RSF1: variants seen among roughly 807,000 people sequenced by gnomAD.
RSF1 encodes the protein HBV pX-associated protein 8.
RSF1 carries 13 observed loss-of-function variants against 145.2 expected under a neutral mutation model. The observed-to-expected ratio is 0.09, with a 90% CI of 0.06 to 0.14. The LOEUF is 0.14. Among genes scored for constraint, RSF1 ranks in the 10% least tolerant of loss-of-function variants. RSF1 has a pLI of 1.00. For synonymous variants in RSF1, 577 were observed against 592.6 expected (o/e 0.97, Z 0.38); for missense variants, 1,517 against 1,718.2 (o/e 0.88, Z 2.07).
rs1234580152 is a variant in RSF1 at position 77,764,685 on chromosome 11, T to G, written c.192A>C (p.Pro64=). 6.3e-7 allele frequency: 1 copy of G among 1,591,194 alleles called. No individual in the cohort carries two copies. Among genetic ancestry groups the G allele is most frequent in the African/African-American group, 1.3e-5 (1 of 74,214 alleles). ...PPPDVGNGEV[P]KELVELHLKL... ...TCAAATGGAGCTCCACCAATTCTTTTGGTACTTAAAAGAAAGAAAAAAAAT... is the reference window on the plus strand; with the variant it reads ...TCAAATGGAGCTCCACCAATTCTTTGGGTACTTAAAAGAAAGAAAAAAAAT... Residue 64 remains proline, a synonymous_variant, in exon 2 of 16, where the codon CCA becomes CCC. Coordinates refer to ENST00000308488, the MANE Select transcript of RSF1 (RefSeq NM_016578.4).
the RSF1 span, among the ~76,000 whole-genome samples, chr11:77,864,672 T>C: frequency 1.3e-5 from 2 of 152,162 alleles, no homozygotes; most frequent in African/African-American, 2.4e-5. Context: ...CCAGGGCATA[T>C]GTTCCTTGAA....
chr11:77,787,769 TA>T (rs1308880255), intron 1 of RSF1, among the ~76,000 whole-genome samples: 1 of 149,666 alleles, frequency 6.7e-6, no homozygotes, highest in Admixed American at 6.7e-5. Flanking sequence ...TCTAGCATAG[TA>T]AAATTCAGAG....
chr11:77,777,076 C>A (rs1948349894), intron 1 of RSF1, among the ~76,000 whole-genome samples: 1 of 152,068 alleles, frequency 6.6e-6, no homozygotes, highest in African/African-American at 2.4e-5. Flanking sequence ...CTCACTTAAA[C>A]AATTATAAAT....
At chr11:77,732,789 C>A (rs1051744369) in intron 4 of RSF1, among the ~76,000 whole-genome samples, 1 of 152,186 alleles carries the variant, frequency 6.6e-6, no homozygotes, top group African/African-American at 2.4e-5. Context: ...TCCAATTAAA[C>A]CTCTTTCTTT....
chr11:77,800,968 G>A (rs910234828), intron 1 of RSF1, among the ~76,000 whole-genome samples: 2 of 151,760 alleles, frequency 1.3e-5, no homozygotes, highest in African/African-American at 4.8e-5. Flanking sequence ...TCGCACTATC[G>A]CACTCCAACC....
chr11:77,692,275 C>T (rs553785784), intron 8 of RSF1, among the ~76,000 whole-genome samples: 53 of 40,886 alleles, frequency 1.3e-3, no homozygotes, highest in African/African-American at 3.7e-3. Context: ...GACGGAGTCT[C>T]GCTCTGTTGC....
intron 5 of RSF1, among the ~76,000 whole-genome samples, chr11:77,706,355 C>T (rs1394307807): frequency 6.6e-6 from 1 of 152,000 alleles, no homozygotes; most frequent in Non-Finnish European, 1.5e-5. Flanking sequence ...TTGAAACTTT[C>T]TAAGTCTCTT....
chr11:77,782,519 C>A (rs1425601879), intron 1 of RSF1, among the ~76,000 whole-genome samples: 1 of 151,626 alleles, frequency 6.6e-6, no homozygotes, highest in African/African-American at 2.4e-5. Flanking sequence ...CCAGCCTGGG[C>A]CACAGGGCGA....
chr11:77,802,426 G>A (rs557219373), intron 1 of RSF1, among the ~76,000 whole-genome samples: 1 of 152,228 alleles, frequency 6.6e-6, no homozygotes, highest in Admixed American at 6.5e-5. Flanking sequence ...ACACCCACTT[G>A]GTGTGTGCAG....
At chr11:77,863,933 C>CT in the RSF1 span, among the ~76,000 whole-genome samples, 2,271 of 148,104 alleles carry the variant, frequency 0.015, 57 homozygotes, top group African/African-American at 0.051. Context: ...AAGATGATCC[C>CT]TTTTTTTTTT....
chr11:77,710,757 T>G (rs1960659252), intron 5 of RSF1, among the ~76,000 whole-genome samples: 1 of 152,232 alleles, frequency 6.6e-6, no homozygotes, highest in Non-Finnish European at 1.5e-5. Flanking sequence ...CTATCATTCA[T>G]TCATCTGTGA....
chr11:77,682,258 T>C (rs1959882591), intron 11 of RSF1, among the ~76,000 whole-genome samples: 1 of 152,216 alleles, frequency 6.6e-6, no homozygotes, highest in Non-Finnish European at 1.5e-5. Context: ...AGAAGCAAAT[T>C]CCTCCATGAT....
At chr11:77,714,018 A>C (rs1009417141) in intron 5 of RSF1, among the ~76,000 whole-genome samples, 5 of 152,200 alleles carry the variant, frequency 3.3e-5, no homozygotes, top group Admixed American at 1.3e-4. Context: ...TAGTTTTGCC[A>C]ATTTCATAAC....
At chr11:77,866,495 A>C in the RSF1 span, 5 of 152,146 alleles carry the variant, frequency 3.3e-5, no homozygotes, top group Non-Finnish European at 5.9e-5. Flanking sequence ...GTTATCTTTC[A>C]TTGCTTTGTA....
the RSF1 span, chr11:77,842,619 A>G: frequency 6.2e-7 from 1 of 1,613,886 alleles, no homozygotes; most frequent in Admixed American, 1.7e-5. Context: ...GGAGAGAAAC[A>G]GGAACTGAGG....
chr11:77,822,024 T>G (rs148090441), upstream of RSF1, among the ~76,000 whole-genome samples: 346 of 152,246 alleles, frequency 2.3e-3, no homozygotes, highest in African/African-American at 7.5e-3. Context: ...TTTAAAAATA[T>G]TAGTTATCAA....
intron 7 of RSF1, 151 bp from the exon 8 acceptor site, chr11:77,693,762 G>C (rs903560011): frequency 3.5e-6 from 1 of 284,232 alleles, no homozygotes; most frequent in South Asian, 1.4e-4. Context: ...TTAGGGATCT[G>C]ACATTTATTT....
chr11:77,714,008 T>C (rs1333561452), intron 5 of RSF1, among the ~76,000 whole-genome samples: 1 of 152,250 alleles, frequency 6.6e-6, no homozygotes, highest in Non-Finnish European at 1.5e-5. Context: ...ATTTTTATGA[T>C]AGTTTTGCCA....
Position 77,663,933 on chromosome 11 carries a change from T to C in RSF1, c.*2984A>G, listed in dbSNP as rs1000408102. On this transcript the variant is annotated 3_prime_UTR_variant, in exon 16 of 16. Transcript: ENST00000308488. ...GTATTTCAACAAGGGGGGTTTAAAT[T>C]ATTAAAGGGCTCTATTATGTAGCAG... The C allele has an allele frequency of 6.6e-6, 1 of 152,130 alleles. No homozygotes were observed. Among genetic ancestry groups the C allele is most frequent in the African/African-American group, 2.4e-5 (1 of 41,420 alleles). 9.4% of individuals were successfully genotyped at this position (152,130 alleles called of 1,614,324 possible). A position where few individuals can be genotyped will look rare whatever the true frequency, so the allele number is the denominator to read the frequency against.
Sources: allele counts gnomAD v4.1 joint callset (sites outside exome capture counted in the v4.1 genomes callset), GRCh38; gene constraint gnomAD v4.1.1; transcripts MANE v1.5; gene names NCBI Gene and HGNC (gene_info 2026-07-23, HGNC 2026-07-21).